Variants in GCNT2 observed in about 807,000 individuals in gnomAD.
GCNT2 encodes the protein N-acetyllactosaminide beta-1,6-N-acetylglucosaminyl-transferase.
A neutral mutation model predicts 34.2 loss-of-function variants in GCNT2; 34 were observed. The observed-to-expected ratio is 1.00, with a 90% CI of 0.76 to 1.32. The LOEUF (loss-of-function observed/expected upper bound fraction) is 1.32. Among genes scored for constraint, GCNT2 ranks in the 40% most tolerant of loss-of-function variants. The probability of loss-of-function intolerance (pLI) is 0.00; values close to 1 mark genes in which losing one functional copy is unlikely to be tolerated. For synonymous variants in GCNT2, 212 were observed against 188.0 expected, an observed-to-expected ratio of 1.13 and a Z score of -1.04; for missense variants, 584 against 489.4, an observed-to-expected ratio of 1.19 and a Z score of -1.82.
intron 4 of GCNT2, among the ~76,000 whole-genome samples, chr6:10,623,923 C>T (rs1035188353): frequency 6.6e-6 from 1 of 152,218 alleles, no homozygotes; most frequent in Admixed American, 6.5e-5. Context: ...AAGATGTCCT[C>T]ACCAACATTT....
At chr6:10,563,741 CAAAAA>C (rs1206466560) in intron 3 of GCNT2, among the ~76,000 whole-genome samples, 1 of 70,848 alleles carries the variant, frequency 1.4e-5, no homozygotes, top group Non-Finnish European at 2.5e-5. Flanking sequence ...GACTCCATCT[CAAAAA>C]AAGAAAAAAG....
intron 1 of GCNT2, among the ~76,000 whole-genome samples, chr6:10,524,913 C>G (rs552708437): frequency 3.3e-5 from 5 of 150,826 alleles, no homozygotes; most frequent in Non-Finnish European, 5.9e-5. Flanking sequence ...CCAGTTTAAT[C>G]CAAGCTGTTC....
chr6:10,602,321 G>A (rs912651419), intron 3 of GCNT2, among the ~76,000 whole-genome samples: 8 of 152,236 alleles, frequency 5.3e-5, no homozygotes, highest in South Asian at 4.1e-4. Context: ...TCCCAGACAC[G>A]TCCAAGATTA....
intron 3 of GCNT2, chr6:10,619,351 T>TA (rs1019546059): frequency 1.4e-3 from 201 of 148,018 alleles, no homozygotes; most frequent in Middle Eastern, 3.5e-3. Context: ...TTGGCTAATT[T>TA]AAAAAAAAAA....
At position 10,556,372 on chromosome 6, in the gene GCNT2, A is replaced by T. The variant is rs540572080; in HGVS notation, c.925+26536A>T. 3.8e-4 allele frequency: 619 copies of T among 1,611,046 alleles called. 1 individual carries two copies. The highest frequency in any genetic ancestry group is 5.1e-4 in the Non-Finnish European group (600 of 1,179,964). On this transcript the variant is annotated intron_variant, in intron 3 of 4. Coordinates refer to ENST00000495262, the MANE Select transcript of GCNT2 (RefSeq NM_145649.5). ...CTCAGAGAAACGAGTGAGTTTGGAA[A>T]AAAGACTTACAGATTTTGACGGTCT...
intron 3 of GCNT2, among the ~76,000 whole-genome samples, chr6:10,569,271 A>ACACACC (rs1561806901): frequency 7.0e-6 from 1 of 142,356 alleles, no homozygotes; most frequent in African/African-American, 2.7e-5. Context: ...ACACACACAC[A>ACACACC]CACCCCCTAG....
At chr6:10,617,158 G>T (rs1244701487) in intron 3 of GCNT2, among the ~76,000 whole-genome samples, 1 of 152,132 alleles carries the variant, frequency 6.6e-6, no homozygotes, top group African/African-American at 2.4e-5. Flanking sequence ...CATGGCGGTC[G>T]GGGGGAGGCT....
intron 3 of GCNT2, among the ~76,000 whole-genome samples, chr6:10,547,208 T>C (rs1419433130): frequency 6.6e-6 from 1 of 152,216 alleles, no homozygotes; most frequent in Non-Finnish European, 1.5e-5. Flanking sequence ...AAGTTATCCC[T>C]TAATATTTCA....
At chr6:10,572,576 C>G (rs147555438) in intron 3 of GCNT2, among the ~76,000 whole-genome samples, 1 of 151,536 alleles carries the variant, frequency 6.6e-6, no homozygotes, top group African/African-American at 2.4e-5. Context: ...ACTAAAAATA[C>G]AAAAAAAATT....
chr6:10,542,893 CTTTTTTTTTT>C (rs869251646), intron 3 of GCNT2, among the ~76,000 whole-genome samples: 1 of 82,250 alleles, frequency 1.2e-5, no homozygotes, highest in African/African-American at 5.1e-5. Context: ...TATGTTAATT[CTTTTTTTTTT>C]TTTTTTTTTT....
chr6:10,602,249 T>C (rs1021017110), intron 3 of GCNT2, among the ~76,000 whole-genome samples: 14 of 152,218 alleles, frequency 9.2e-5, no homozygotes, highest in African/African-American at 2.9e-4. Context: ...CTTACCTGTA[T>C]GCACAGCTCA....
chr6:10,603,688 G>A (rs975861111), intron 3 of GCNT2, among the ~76,000 whole-genome samples: 1 of 114,860 alleles, frequency 8.7e-6, no homozygotes, highest in Non-Finnish European at 2.2e-5. Context: ...GCTAATTTTT[G>A]TATTTTAGTA....
chr6:10,592,501 C>G (rs567041226), intron 3 of GCNT2, among the ~76,000 whole-genome samples: 2 of 152,198 alleles, frequency 1.3e-5, no homozygotes, highest in South Asian at 4.2e-4. Flanking sequence ...ATGCTGGGCT[C>G]CTGGTAGAGA....
chr6:10,530,148 G>C, intron 3 of GCNT2: 1 of 285,598 alleles, frequency 3.5e-6, no homozygotes, highest in Non-Finnish European at 6.8e-6. Flanking sequence ...GATCACTTGA[G>C]GTCAGGAGTT....
At chr6:10,561,733 T>C (rs919742652) in intron 3 of GCNT2, among the ~76,000 whole-genome samples, 2 of 152,214 alleles carry the variant, frequency 1.3e-5, no homozygotes, top group Admixed American at 6.5e-5. Context: ...TTCATTACTC[T>C]GACCTTTCTC....
At chr6:10,610,364 C>G (rs1005919315) in intron 3 of GCNT2, among the ~76,000 whole-genome samples, 2 of 152,310 alleles carry the variant, frequency 1.3e-5, no homozygotes, top group Non-Finnish European at 2.9e-5. Context: ...AATATGGAAG[C>G]TGAAGGCCTT....
At chr6:10,586,968 C>A in intron 3 of GCNT2, 1 of 1,223,880 alleles carries the variant, frequency 8.2e-7, no homozygotes, top group Non-Finnish European at 1.2e-6. Context: ...ACATTCTGCT[C>A]GCCTAGAGAA....
chr6:10,606,675 T>TGGAAATTTCCATTAAAGAA (rs1765331154), intron 3 of GCNT2, among the ~76,000 whole-genome samples: 1 of 149,490 alleles, frequency 6.7e-6, no homozygotes, highest in Admixed American at 6.7e-5. Context: ...AGAAATTTAA[T>TGGAAATTTCCATTAAAGAA]AGTGGTTGAG....
intron 3 of GCNT2, among the ~76,000 whole-genome samples, chr6:10,580,426 G>A (rs866188302): frequency 7.9e-5 from 12 of 152,290 alleles, no homozygotes; most frequent in African/African-American, 2.9e-4. Flanking sequence ...GCATTTGAGT[G>A]CCTGAATCCG....
Sources: allele counts gnomAD v4.1 joint callset (sites outside exome capture counted in the v4.1 genomes callset), GRCh38; gene constraint gnomAD v4.1.1; transcripts MANE v1.5; gene names NCBI Gene and HGNC (gene_info 2026-07-23, HGNC 2026-07-21).